The following TTLL3 variants were observed in gnomAD, a reference collection of about 807,000 sequenced individuals.
TTLL3 encodes tubulin tyrosine ligase like 3.
In TTLL3, 63 loss-of-function variants were observed where a neutral mutation model predicts 75.2. The observed-to-expected ratio is 0.84, with a 90% CI of 0.68 to 1.03. The LOEUF (loss-of-function observed/expected upper bound fraction) is 1.03. Ranked by LOEUF, TTLL3 falls within the 50% of genes least tolerant of loss-of-function variation. The pLI, the probability that TTLL3 is intolerant of heterozygous loss-of-function variation, is 0.00. For missense variants in TTLL3, 997 were observed against 1,069.9 expected, an observed-to-expected ratio of 0.93 and a Z score of 0.95; for synonymous variants, 393 against 418.5, an observed-to-expected ratio of 0.94 and a Z score of 0.74.
At chr3:9,820,832 G>A (rs1288931314) in intron 8 of TTLL3, 91 bp downstream of exon 8, 8 of 1,517,910 alleles carry the variant, frequency 5.3e-6, no homozygotes, top group Non-Finnish European at 7.1e-6. Context: ...CCTTCCCCAA[G>A]CCTCCCGCTC....
At position 9,825,840 on chromosome 3, in the gene TTLL3, C is replaced by G; in HGVS notation, c.895C>G (p.Arg299Gly). 6.2e-7 allele frequency: 1 copy of G among 1,614,138 alleles called. No individual in the cohort carries two copies. The highest frequency in any genetic ancestry group is 8.5e-7 in the Non-Finnish European group (1 of 1,180,024). The change falls in exon 9 of 14, where the codon CGC becomes GGC. Residue 299 changes from arginine to glycine, a missense_variant. Transcript: ENST00000685419. ...CAGGCACCTCGACACTCAGGTCCAG[C>G]GCTGTGAGGACATCCTGCAGCAGCT... ...ELRHLDTQVQ[R>G]CEDILQQLQA...
chr3:9,817,876 A>G (rs2080039095), intron 6 of TTLL3, 117 bp downstream of exon 6: 2 of 1,348,964 alleles, frequency 1.5e-6, no homozygotes, highest in African/African-American at 2.9e-5. Flanking sequence ...CTGCCCCAGC[A>G]GATTTCCCTT....
chr3:9,813,928 C>T (rs1427303015), intron 4 of TTLL3, among the ~76,000 whole-genome samples: 1 of 152,056 alleles, frequency 6.6e-6, no homozygotes, highest in Non-Finnish European at 1.5e-5. Flanking sequence ...TGGTAACTCC[C>T]CCTTCAAATA....
At chr3:9,831,518 A>G (rs1178439837) in intron 11 of TTLL3, among the ~76,000 whole-genome samples, 6 of 152,182 alleles carry the variant, frequency 3.9e-5, no homozygotes, top group African/African-American at 1.4e-4. Context: ...GGTGGCTACC[A>G]GATTCTCTCC....
chr3:9,810,854 T>G lies in TTLL3; in HGVS notation c.48+145T>G. 4.0e-6 allele frequency: 3 copies of G among 743,134 alleles called. No individual in the cohort carries two copies. The highest frequency in any genetic ancestry group is 3.0e-5 in the East Asian group (1 of 33,178). The allele number at this position is 743,134 out of a possible 1,614,324, so 46.0% of individuals were successfully genotyped here. A position where few individuals can be genotyped will look rare whatever the true frequency, so the allele number is the denominator to read the frequency against. On this transcript the variant is annotated intron_variant, in intron 2 of 13. Transcript: ENST00000685419. The surrounding 1 kb of genome is among the most constrained non-coding windows in gnomAD (Gnocchi z 4.4). ...CTCAACCACCACACCCATCTTCAAC[T>G]ACCTCCCCGTTTACCCCTTCAGCAC...
intron 7 of TTLL3, 178 bp from the exon 8 acceptor site, chr3:9,820,368 T>C (rs894034260): frequency 5.5e-6 from 8 of 1,466,314 alleles, no homozygotes; most frequent in Non-Finnish European, 6.3e-6. Flanking sequence ...AGTGCTAGAG[T>C]TGCAGTGAAT....
chr3:9,816,160 G>A lies in TTLL3; in HGVS notation c.402G>A (p.Gln134=), dbSNP rs1393085113. ...ACTGTCGCTTCCTCTCCAAGGATCA[G>A]ATGATAAACCACTACGCCCGGGCTG... The part of the protein sequence containing the change: ...VLDCRFLSKD[Q]MINHYARAGS... The change falls in exon 5 of 14, where the codon CAG becomes CAA. Residue 134 remains glutamine, a synonymous_variant. Transcript: ENST00000685419. 1 of 1,355,028 alleles carries A rather than the reference G, an allele frequency of 7.4e-7. No individual in the cohort carries two copies. Among genetic ancestry groups the A allele is most frequent in the Non-Finnish European group, 9.8e-7 (1 of 1,016,456 alleles). 83.9% of individuals were successfully genotyped at this position (1,355,028 alleles called of 1,614,324 possible).
At chr3:9,831,586 C>G (rs1040176076) in intron 11 of TTLL3, among the ~76,000 whole-genome samples, 1 of 152,178 alleles carries the variant, frequency 6.6e-6, no homozygotes, top group Non-Finnish European at 1.5e-5. Flanking sequence ...TGTGTTGGCT[C>G]TGTCCAGATT....
chr3:9,812,952 A>T lies in TTLL3; in HGVS notation c.58A>T (p.Ile20Phe). Residue 20 changes from isoleucine (I) to phenylalanine (F), a missense_variant, in exon 3 of 14, where the codon ATC (isoleucine) becomes TTC (phenylalanine). Transcript: ENST00000685419. ...TTCTCTCACATTGCAGCAGAAGAAG[A>T]TCTTTACAATCCAAGGCTGCTACCC... The part of the protein sequence containing the change: ...YVERAVKQKK[I>F]FTIQGCYPVI... The T allele has an allele frequency of 6.6e-7, 1 of 1,505,028 alleles. No individual in the cohort carries two copies. The highest frequency in any genetic ancestry group is 2.3e-5 in the East Asian group (1 of 43,790). 93.2% of individuals were successfully genotyped at this position (1,505,028 alleles called of 1,614,324 possible). A position where few individuals can be genotyped will look rare whatever the true frequency, so the allele number is the denominator to read the frequency against.
At chr3:9,834,610 C>T (rs1038097976) in intron 12 of TTLL3, 71 bp from the exon 13 acceptor site, 8 of 1,594,354 alleles carry the variant, frequency 5.0e-6, no homozygotes, top group South Asian at 1.1e-5. Context: ...ATCCTCCACA[C>T]GTACCTGTTA....
rs1011270764 is a variant in TTLL3 at position 9,819,941 on chromosome 3, C to G, written c.659-605C>G. 3.0e-6 allele frequency: 3 copies of G among 985,784 alleles called. No homozygotes were observed. In the African/African-American group the frequency reaches 5.2e-5, roughly 17 times the overall value. The allele number at this position is 985,784 out of a possible 1,614,324, so 61.1% of individuals were successfully genotyped here. A position where few individuals can be genotyped will look rare whatever the true frequency, so the allele number is the denominator to read the frequency against. Reference sequence around the variant, plus strand: ...GGGTTTGAGGGCCTCAGTTGTATATCAGAATCTTCAGAGCACTGCGATGTT... The same window carrying G: ...GGGTTTGAGGGCCTCAGTTGTATATGAGAATCTTCAGAGCACTGCGATGTT... On this transcript the variant is annotated intron_variant, in intron 7 of 13. Coordinates refer to ENST00000685419, the MANE Select transcript of TTLL3 (RefSeq NM_001387446.1).
chr3:9,815,622 A>G (rs2079772734), intron 4 of TTLL3, among the ~76,000 whole-genome samples: 1 of 152,262 alleles, frequency 6.6e-6, no homozygotes, highest in Non-Finnish European at 1.5e-5. Flanking sequence ...AAAGTGTGAC[A>G]TTCAGTTGTG....
At chr3:9,825,569 T>C (rs1273000285) in intron 8 of TTLL3, 1 of 653,702 alleles carries the variant, frequency 1.5e-6, no homozygotes, top group Non-Finnish European at 2.6e-6. Flanking sequence ...GGTTTGCAGT[T>C]AATGGAATTT....
At chr3:9,821,025 T>C (rs569529168) in intron 8 of TTLL3, 3 of 429,966 alleles carry the variant, frequency 7.0e-6, no homozygotes, top group East Asian at 7.7e-5. Context: ...AGGAAGTAAA[T>C]AGATTTTATG....
Position 9,829,269 on chromosome 3 carries a change from G to A in TTLL3, c.1557G>A (p.Met519Ile), listed in dbSNP as rs2081317006. ...TTGAGATCAACGCCAGCCCCACGAT[G>A]GCACCCTCCACAGCAGTCACTGCCC... Reference protein sequence around the residue: ...WLIEINASPTMAPSTAVTARL... With the variant: ...WLIEINASPTIAPSTAVTARL... Residue 519 changes from methionine (M) to isoleucine (I), a missense_variant, in exon 11 of 14, where the codon ATG becomes ATA. Transcript: ENST00000685419. The A allele has an allele frequency of 1.9e-6, 3 of 1,614,194 alleles. No individual in the cohort carries two copies. Among genetic ancestry groups the A allele is most frequent in the Non-Finnish European group, 2.5e-6 (3 of 1,180,050 alleles).
chr3:9,812,848 G>A, intron 2 of TTLL3, 95 bp from the exon 3 acceptor site: 2 of 1,336,280 alleles, frequency 1.5e-6, no homozygotes, highest in Non-Finnish European at 1.9e-6. Flanking sequence ...ATTTCCTGAT[G>A]GCAGAGTCCA....
At chr3:9,833,969 G>A (rs529167837) in intron 12 of TTLL3, 114 of 169,860 alleles carry the variant, frequency 6.7e-4, no homozygotes, top group Middle Eastern at 3.1e-3. Flanking sequence ...AAAATTAGCC[G>A]AGTGTAGGGG....
In TTLL3 at chr3:9,820,590, T is replaced by A. The variant is rs191375618; in HGVS notation, c.703T>A (p.Ser235Thr). The change falls in exon 8 of 14, where the codon TCC (serine) becomes ACC (threonine). Residue 235 changes from serine (S) to threonine (T), a missense_variant. Physicochemically the swap from Ser to Thr is moderately conservative, Grantham distance 58. Transcript: ENST00000685419. ...KKQEKNPVLV[S>T]PEFVDEALCA... ...ACAGGAGAAAAACCCAGTGTTGGTG[T>A]CCCCAGAGTTTGTGGATGAAGCTCT... 1,993 of 1,614,022 alleles carry A rather than the reference T, an allele frequency of 1.2e-3. 3 individuals carry two copies. Among genetic ancestry groups the A allele is most frequent in the Non-Finnish European group, 1.3e-3 (1,507 of 1,179,984 alleles).
chr3:9,816,542 A>T (rs1374698553), intron 5 of TTLL3, among the ~76,000 whole-genome samples: 1 of 5,850 alleles, frequency 1.7e-4, no homozygotes, highest in Non-Finnish European at 8.7e-4. Context: ...TTTGAGACAG[A>T]GTCTTGCTCT....
Sources: allele counts gnomAD v4.1 joint callset (sites outside exome capture counted in the v4.1 genomes callset), GRCh38; gene constraint gnomAD v4.1.1; non-coding constraint Gnocchi (gnomAD v3.1); transcripts MANE v1.5; gene names NCBI Gene and HGNC (gene_info 2026-07-23, HGNC 2026-07-21).